The following ENTREP2 variants were observed in gnomAD, a reference collection of about 807,000 sequenced individuals.
The protein encoded by ENTREP2 is protein ENTREP2.
chr15:29,444,190 G>GAAAGAA, the ENTREP2 span, among the ~76,000 whole-genome samples: 1 of 92,268 alleles, frequency 1.1e-5, no homozygotes, highest in African/African-American at 4.0e-5. Flanking sequence ...AAGAAAGAAA[G>GAAAGAA]AAAGAAAGAA....
the ENTREP2 span, among the ~76,000 whole-genome samples, chr15:29,396,105 C>G: frequency 6.6e-6 from 1 of 152,184 alleles, no homozygotes; most frequent in Admixed American, 6.5e-5. Flanking sequence ...ACCATTTCTT[C>G]TGAGTGTTTG....
the ENTREP2 span, among the ~76,000 whole-genome samples, chr15:29,358,992 T>C: frequency 3.9e-5 from 6 of 152,196 alleles, no homozygotes; most frequent in African/African-American, 1.4e-4. Context: ...AGTGCTCTAA[T>C]TTAAACAAAG....
the ENTREP2 span, among the ~76,000 whole-genome samples, chr15:29,362,527 G>A: frequency 2.0e-5 from 3 of 151,560 alleles, no homozygotes; most frequent in African/African-American, 7.3e-5. Flanking sequence ...GGCACACGCC[G>A]CCACACCCAG....
chr15:29,590,695 A>AG, the ENTREP2 span, among the ~76,000 whole-genome samples: 1 of 151,170 alleles, frequency 6.6e-6, no homozygotes, highest in Admixed American at 6.6e-5. Context: ...AAAAAAAAAA[A>AG]AAAAAAAAAG....
the ENTREP2 span, among the ~76,000 whole-genome samples, chr15:29,154,837 G>A: frequency 6.6e-6 from 1 of 152,196 alleles, no homozygotes; most frequent in African/African-American, 2.4e-5. Context: ...CTGCTCATCA[G>A]TTCTCAAGCC....
the ENTREP2 span, among the ~76,000 whole-genome samples, chr15:29,331,556 C>T: frequency 6.6e-6 from 1 of 152,180 alleles, no homozygotes; most frequent in South Asian, 2.1e-4. Flanking sequence ...TATCTATGTG[C>T]AACTGACAGA....
chr15:29,136,572 C>T, the ENTREP2 span: 56 of 1,506,722 alleles, frequency 3.7e-5, no homozygotes, highest in Non-Finnish European at 4.3e-5. Flanking sequence ...CTCTCAAAGC[C>T]GCCAGAGCAG....
chr15:29,484,773 T>C, the ENTREP2 span, among the ~76,000 whole-genome samples: 1 of 152,204 alleles, frequency 6.6e-6, no homozygotes, highest in Non-Finnish European at 1.5e-5. Flanking sequence ...GAATAAATTC[T>C]TTACTGAATG....
At chr15:29,592,186 C>T in the ENTREP2 span, among the ~76,000 whole-genome samples, 1 of 152,136 alleles carries the variant, frequency 6.6e-6, no homozygotes, top group Non-Finnish European at 1.5e-5. Context: ...TGCTGGCACC[C>T]AGGCATGGCA....
the ENTREP2 span, among the ~76,000 whole-genome samples, chr15:29,562,851 T>G: frequency 2.6e-5 from 4 of 152,110 alleles, no homozygotes; most frequent in Admixed American, 2.6e-4. Context: ...AGTGCAGTGG[T>G]GCAATCGAAG....
At chr15:29,563,419 T>C in the ENTREP2 span, among the ~76,000 whole-genome samples, 1 of 152,228 alleles carries the variant, frequency 6.6e-6, no homozygotes, top group Non-Finnish European at 1.5e-5. Flanking sequence ...TTTGCTCCCA[T>C]GTTCCTTCTA....
chr15:29,412,543 T>C, the ENTREP2 span, among the ~76,000 whole-genome samples: 1 of 152,176 alleles, frequency 6.6e-6, no homozygotes, highest in Non-Finnish European at 1.5e-5. Flanking sequence ...AGTTTGTATA[T>C]GTATTTTTTC....
the ENTREP2 span, among the ~76,000 whole-genome samples, chr15:29,315,213 T>C: frequency 6.6e-6 from 1 of 152,248 alleles, no homozygotes; most frequent in East Asian, 1.9e-4. Flanking sequence ...AAAATCATCA[T>C]TGTCTCCTAG....
At chr15:29,257,043 ATTATTTAT>A in the ENTREP2 span, among the ~76,000 whole-genome samples, 11,526 of 141,154 alleles carry the variant, frequency 0.082, 502 homozygotes, top group East Asian at 0.18. Flanking sequence ...TTATTTTTTT[ATTATTTAT>A]TTATTTATTT....
the ENTREP2 span, among the ~76,000 whole-genome samples, chr15:29,199,677 C>T: frequency 2.0e-5 from 3 of 152,172 alleles, no homozygotes; most frequent in African/African-American, 7.2e-5. Flanking sequence ...AATATTTTCT[C>T]AGTCTATAGT....
At chr15:29,337,521 T>C in the ENTREP2 span, among the ~76,000 whole-genome samples, 1 of 152,184 alleles carries the variant, frequency 6.6e-6, no homozygotes, top group Non-Finnish European at 1.5e-5. Flanking sequence ...TGTATTACAT[T>C]TGTAATTTAC....
the ENTREP2 span, among the ~76,000 whole-genome samples, chr15:29,517,706 G>C: frequency 5.0e-4 from 76 of 152,172 alleles, 1 homozygote; most frequent in African/African-American, 1.6e-3. Context: ...ACAGCGTGAT[G>C]TCGAAGTCCC....
At chr15:29,408,339 C>T in the ENTREP2 span, among the ~76,000 whole-genome samples, 1 of 152,118 alleles carries the variant, frequency 6.6e-6, no homozygotes, top group South Asian at 2.1e-4. Flanking sequence ...GCATGTTACA[C>T]AGAATGAAGA....
the ENTREP2 span, chr15:29,195,193 T>A: frequency 1.2e-5 from 12 of 985,300 alleles, no homozygotes; most frequent in Non-Finnish European, 1.2e-5. Flanking sequence ...TCTGGTGAGC[T>A]GCTGGGACCA....
Sources: allele counts gnomAD v4.1 joint callset (sites outside exome capture counted in the v4.1 genomes callset), GRCh38; gene constraint gnomAD v4.1.1; transcripts MANE v1.5; gene names NCBI Gene and HGNC (gene_info 2026-07-23, HGNC 2026-07-21).